EEPD1: variants seen among roughly 807,000 people sequenced by gnomAD.
EEPD1 encodes the protein endonuclease/exonuclease/phosphatase family domain-containing protein 1.
In EEPD1, 17 loss-of-function variants were observed where a neutral mutation model predicts 46.3. That is an observed-to-expected ratio of 0.37 (90% confidence interval 0.25 to 0.55). The LOEUF is 0.55. EEPD1 is among the 20% of genes least tolerant of loss of function. The pLI is 0.83. For synonymous variants in EEPD1, 313 were observed against 315.6 expected (o/e 0.99, Z 0.09); for missense variants, 673 against 745.6 (o/e 0.90, Z 1.13).
intron 3 of EEPD1, among the ~76,000 whole-genome samples, chr7:36,241,405 G>A (rs530423473): frequency 4.6e-5 from 7 of 152,226 alleles, no homozygotes; most frequent in African/African-American, 1.2e-4. Context: ...CCTGGCAAGC[G>A]GAGGTTGCAG....
At chr7:36,261,475 ACT>A (rs1428377217) in intron 3 of EEPD1, among the ~76,000 whole-genome samples, 1 of 152,026 alleles carries the variant, frequency 6.6e-6, no homozygotes, top group African/African-American at 2.4e-5. Flanking sequence ...CCTCATACAA[ACT>A]CTCACAACAG....
At chr7:36,175,715 C>T (rs1785165022) in intron 2 of EEPD1, among the ~76,000 whole-genome samples, 1 of 152,154 alleles carries the variant, frequency 6.6e-6, no homozygotes, top group South Asian at 2.1e-4. Context: ...TGTCTTCAGA[C>T]ACTGCCAGAT....
intron 5 of EEPD1, among the ~76,000 whole-genome samples, chr7:36,285,149 C>T (rs1290505861): frequency 1.3e-5 from 2 of 152,144 alleles, no homozygotes; most frequent in South Asian, 4.1e-4. Context: ...ATTCCTAGAC[C>T]CCACCTCAGA....
chr7:36,154,626 G>A lies in EEPD1; in HGVS notation c.302G>A (p.Ser101Asn), dbSNP rs1467876145. The change falls in exon 2 of 8, where the codon AGC (serine) becomes AAC (asparagine). Residue 101 changes from serine (S) to asparagine (N), a missense_variant. Physicochemically the swap from Ser to Asn is conservative, Grantham distance 46. Coordinates refer to ENST00000242108, the MANE Select transcript of EEPD1 (RefSeq NM_030636.3). The surrounding 1 kb of genome is among the most constrained non-coding windows in gnomAD (Gnocchi z 4.2). The part of the protein sequence containing the change: ...LEQVKFEICV[S>N]SKGSSAQHSP... ...CAGGTCAAGTTTGAGATCTGTGTGA[G>A]CAGCAAGGGCAGCTCAGCGCAGCAC... 1.9e-6 allele frequency: 3 copies of A among 1,613,996 alleles called. No homozygotes were observed. Among genetic ancestry groups the A allele is most frequent in the East Asian group, 2.2e-5 (1 of 44,886 alleles).
intron 2 of EEPD1, among the ~76,000 whole-genome samples, chr7:36,182,099 T>A (rs1785277280): frequency 6.6e-6 from 1 of 152,248 alleles, no homozygotes; most frequent in South Asian, 2.1e-4. Flanking sequence ...TGGATAAGGT[T>A]GTGCATCGCA....
At chr7:36,203,605 T>A (rs1451507913) in intron 2 of EEPD1, among the ~76,000 whole-genome samples, 1 of 152,240 alleles carries the variant, frequency 6.6e-6, no homozygotes, top group Non-Finnish European at 1.5e-5. Flanking sequence ...GATCATTATC[T>A]GCAGCAGGAT....
intron 3 of EEPD1, among the ~76,000 whole-genome samples, chr7:36,248,399 G>A (rs571776605): frequency 6.6e-6 from 1 of 151,220 alleles, no homozygotes; most frequent in South Asian, 2.1e-4. Context: ...TAGAGAGTTG[G>A]TTTCACTGCA....
chr7:36,289,761 T>TGG (rs745924993), intron 6 of EEPD1, among the ~76,000 whole-genome samples: 3 of 152,264 alleles, frequency 2.0e-5, no homozygotes, highest in Non-Finnish European at 2.9e-5. Context: ...CCCAAAGTGC[T>TGG]GGGATTACAG....
chr7:36,288,071 G>A (rs564990200), intron 6 of EEPD1, among the ~76,000 whole-genome samples: 4 of 152,248 alleles, frequency 2.6e-5, no homozygotes, highest in South Asian at 2.1e-4. Context: ...GCCCTTCCCC[G>A]AAGACAGCTC....
At chr7:36,183,380 T>G (rs1457838925) in intron 2 of EEPD1, among the ~76,000 whole-genome samples, 1 of 152,168 alleles carries the variant, frequency 6.6e-6, no homozygotes, top group Admixed American at 6.5e-5. Context: ...GAGATCAGCC[T>G]GACGAGAGGG....
chr7:36,155,261 C>G, intron 2 of EEPD1, 59 bp downstream of exon 2: 1 of 1,469,690 alleles, frequency 6.8e-7, no homozygotes, highest in South Asian at 1.5e-5. Context: ...GTGACCTCAT[C>G]TATGGATGCA....
chr7:36,160,369 A>G (rs1351723920), intron 2 of EEPD1, among the ~76,000 whole-genome samples: 1 of 152,234 alleles, frequency 6.6e-6, no homozygotes, highest in Non-Finnish European at 1.5e-5. Context: ...AGAGAAGCCT[A>G]TTTAGATGGG....
chr7:36,219,495 A>C (rs1238920574), intron 2 of EEPD1, among the ~76,000 whole-genome samples: 1 of 149,660 alleles, frequency 6.7e-6, no homozygotes, highest in Non-Finnish European at 1.5e-5. Flanking sequence ...GCAAGACCCT[A>C]TTTCAAAGAA....
At chr7:36,238,380 A>T (rs1583827097) in intron 2 of EEPD1, among the ~76,000 whole-genome samples, 1 of 152,190 alleles carries the variant, frequency 6.6e-6, no homozygotes, top group East Asian at 1.9e-4. Context: ...GCCTTATTTT[A>T]CCCAGCCCCT....
At chr7:36,275,595 C>T (rs931803329) in intron 3 of EEPD1, among the ~76,000 whole-genome samples, 15 of 152,118 alleles carry the variant, frequency 9.9e-5, no homozygotes, top group African/African-American at 3.1e-4. Flanking sequence ...TACAGGCACG[C>T]GCCACCACGC....
At chr7:36,280,150 A>AG (rs1787237548) in intron 3 of EEPD1, among the ~76,000 whole-genome samples, 1 of 152,148 alleles carries the variant, frequency 6.6e-6, no homozygotes, top group South Asian at 2.1e-4. Flanking sequence ...TGCTGCTGTG[A>AG]GGGGCTAAGG....
intron 2 of EEPD1, among the ~76,000 whole-genome samples, chr7:36,200,941 T>C (rs1785702055): frequency 6.6e-6 from 1 of 152,194 alleles, no homozygotes; most frequent in South Asian, 2.1e-4. Flanking sequence ...AGATATCTAA[T>C]AGATACCACC....
intron 3 of EEPD1, among the ~76,000 whole-genome samples, chr7:36,264,502 T>C (rs1227101084): frequency 1.3e-5 from 2 of 152,212 alleles, no homozygotes; most frequent in Non-Finnish European, 2.9e-5. Context: ...GTGAGCATTC[T>C]AGGAAATGTA....
chr7:36,189,819 C>T (rs1435910273), intron 2 of EEPD1, among the ~76,000 whole-genome samples: 2 of 152,134 alleles, frequency 1.3e-5, no homozygotes, highest in Non-Finnish European at 2.9e-5. Flanking sequence ...ATTATTTTGC[C>T]TTGCATTGCC....
Sources: allele counts gnomAD v4.1 joint callset (sites outside exome capture counted in the v4.1 genomes callset), GRCh38; gene constraint gnomAD v4.1.1; non-coding constraint Gnocchi (gnomAD v3.1); transcripts MANE v1.5; gene names NCBI Gene and HGNC (gene_info 2026-07-23, HGNC 2026-07-21).